Variants in APBA2 observed in about 807,000 individuals in gnomAD.
APBA2 encodes the protein amyloid-beta A4 precursor protein-binding family A member 2.
Under a neutral mutation model 75.0 loss-of-function variants are expected in APBA2, and 30 were observed. The observed-to-expected ratio is 0.40, with a 90% CI of 0.30 to 0.54. The LOEUF is 0.54. APBA2 is among the 20% of genes least tolerant of loss of function. APBA2 has a pLI of 0.49. For synonymous variants in APBA2, 444 were observed against 409.6 expected (o/e 1.08, Z -1.01); for missense variants, 801 against 1,016.1 (o/e 0.79, Z 2.88).
intron 2 of APBA2, among the ~76,000 whole-genome samples, chr15:28,963,730 C>T (rs1027946656): frequency 6.6e-6 from 1 of 152,192 alleles, no homozygotes; most frequent in Non-Finnish European, 1.5e-5. Context: ...TTTAGATTCA[C>T]AGGAGGTTGC....
chr15:28,968,421 T>G (rs2036857112), intron 2 of APBA2, among the ~76,000 whole-genome samples: 1 of 152,358 alleles, frequency 6.6e-6, no homozygotes, highest in Middle Eastern at 3.4e-3. Flanking sequence ...TTGAGGCATT[T>G]GACCTGTGGA....
intron 2 of APBA2, among the ~76,000 whole-genome samples, chr15:28,968,555 T>A (rs2036863451): frequency 6.6e-6 from 1 of 152,170 alleles, no homozygotes; most frequent in Non-Finnish European, 1.5e-5. Context: ...TCCGTCTCTT[T>A]CGCAGGATTA....
chr15:28,946,438 G>A (rs751749968), intron 2 of APBA2, among the ~76,000 whole-genome samples: 4 of 152,338 alleles, frequency 2.6e-5, no homozygotes, highest in Middle Eastern at 3.4e-3. Context: ...GCAAGCCAAG[G>A]AATGCAGGTG....
At chr15:28,954,134 G>A (rs1459376269) in intron 2 of APBA2, among the ~76,000 whole-genome samples, 3 of 152,070 alleles carry the variant, frequency 2.0e-5, no homozygotes, top group African/African-American at 7.2e-5. Context: ...CATGGAATCT[G>A]TTCCGTAAGC....
chr15:29,024,738 A>G (rs1257876191), intron 3 of APBA2, among the ~76,000 whole-genome samples: 7 of 152,156 alleles, frequency 4.6e-5, no homozygotes, highest in African/African-American at 1.7e-4. Context: ...GGTCAGCAAA[A>G]GGGCAGGTTT....
chr15:29,009,189 T>G (rs2039279373), intron 3 of APBA2, among the ~76,000 whole-genome samples: 1 of 152,110 alleles, frequency 6.6e-6, no homozygotes, highest in Non-Finnish European at 1.5e-5. Context: ...GAGGAAAGAC[T>G]CTAAAAAGAC....
chr15:29,108,302 C>G lies in APBA2; in HGVS notation c.1950C>G (p.Asn650Lys). The G allele has an allele frequency of 6.2e-7, 1 of 1,614,050 alleles. No homozygotes were observed. The highest frequency in any genetic ancestry group is 8.5e-7 in the Non-Finnish European group (1 of 1,180,036). ...AGAACCAGACACAGGTGAAGCTCAACATTGTCAGCTGTCCCCCGGTCACCA... is the reference window on the plus strand; with the variant it reads ...AGAACCAGACACAGGTGAAGCTCAAGATTGTCAGCTGTCCCCCGGTCACCA... ...GLKNQTQVKL[N>K]IVSCPPVTTV... Residue 650 changes from asparagine (N) to lysine (K), a missense_variant, in exon 13 of 15, where the codon AAC (asparagine) becomes AAG (lysine). Around this residue, in one of 2 missense-constraint regions of APBA2, gnomAD observed 367 missense variants for 544.5 expected, o/e 0.67. Transcript: ENST00000683413.
intron 4 of APBA2, among the ~76,000 whole-genome samples, chr15:29,062,904 G>A (rs1298398114): frequency 6.6e-6 from 1 of 151,968 alleles, no homozygotes; most frequent in South Asian, 2.1e-4. Flanking sequence ...GGGGCTGTGG[G>A]GAGGGGAGTT....
chr15:29,083,987 A>G (rs1049482018), intron 6 of APBA2, among the ~76,000 whole-genome samples: 2 of 152,212 alleles, frequency 1.3e-5, no homozygotes, highest in Non-Finnish European at 2.9e-5. Context: ...AAGTTTTTTC[A>G]TAAAAATTCA....
intron 4 of APBA2, among the ~76,000 whole-genome samples, chr15:29,058,822 T>A (rs1420801012): frequency 1.3e-5 from 2 of 152,238 alleles, no homozygotes; most frequent in African/African-American, 4.8e-5. Context: ...GAGGAAAATT[T>A]GGAAAATACA....
intron 9 of APBA2, among the ~76,000 whole-genome samples, chr15:29,100,700 T>C (rs980407643): frequency 7.9e-5 from 12 of 152,196 alleles, no homozygotes; most frequent in African/African-American, 2.7e-4. Flanking sequence ...CTTGATGCTT[T>C]CCTCTTCTGC....
chr15:28,984,340 G>C (rs1412431120), intron 2 of APBA2, among the ~76,000 whole-genome samples: 2 of 152,072 alleles, frequency 1.3e-5, no homozygotes. Context: ...TTTATGCCAC[G>C]TAGCAACCCC....
intron 8 of APBA2, among the ~76,000 whole-genome samples, chr15:29,097,596 T>C (rs1451316160): frequency 2.0e-5 from 3 of 152,260 alleles, no homozygotes; most frequent in African/African-American, 4.8e-5. Flanking sequence ...TTTTGGAGCA[T>C]ATACACATTG....
chr15:29,075,042 C>T, intron 5 of APBA2, 41 bp downstream of exon 5: 1 of 1,437,646 alleles, frequency 7.0e-7, no homozygotes, highest in Non-Finnish European at 9.7e-7. Flanking sequence ...CTGGAACACT[C>T]ATCTAATGAT....
chr15:28,941,131 AAT>A (rs2035197152), intron 2 of APBA2, among the ~76,000 whole-genome samples: 1 of 152,204 alleles, frequency 6.6e-6, no homozygotes, highest in South Asian at 2.1e-4. Context: ...AAAGCTCTGA[AAT>A]ATATATCCTG....
chr15:29,093,023 T>C, intron 6 of APBA2, 52 bp from the exon 7 acceptor site: 1 of 1,612,278 alleles, frequency 6.2e-7, no homozygotes, highest in Non-Finnish European at 8.5e-7. Flanking sequence ...GCAAGTTCTT[T>C]GTTCAGGGGA....
intron 6 of APBA2, among the ~76,000 whole-genome samples, chr15:29,078,732 T>G (rs1322999078): frequency 2.6e-5 from 4 of 152,056 alleles, no homozygotes; most frequent in Admixed American, 2.0e-4. Flanking sequence ...CTCTTCAGGC[T>G]TGTCACCTCA....
chr15:28,954,987 A>C (rs115085960), intron 2 of APBA2, among the ~76,000 whole-genome samples: 4,638 of 152,214 alleles, frequency 0.03, 250 homozygotes, highest in African/African-American at 0.11. Context: ...TGCAGAGAGC[A>C]GGGCCAGAGG....
At chr15:29,107,522 C>T (rs752862265) in intron 12 of APBA2, among the ~76,000 whole-genome samples, 4 of 152,164 alleles carry the variant, frequency 2.6e-5, no homozygotes, top group East Asian at 1.9e-4. Context: ...CCTCTTTGTT[C>T]GGCATGAGAG....
Sources: gnomAD v4.1 joint callset for allele counts (sites outside exome capture counted in the v4.1 genomes callset) on GRCh38, gnomAD v4.1.1 for gene constraint, gnomAD v4.1.1 regional missense constraint, MANE v1.5 for transcripts, NCBI Gene and HGNC (gene_info 2026-07-23, HGNC 2026-07-21) for gene names.